CDH12: variants seen among roughly 807,000 people sequenced by gnomAD.
CDH12 encodes cadherin 12, also known as cadherin-12.
In CDH12, 41 loss-of-function variants were observed where a neutral mutation model predicts 74.1. The observed-to-expected ratio is 0.55, with a 90% CI of 0.43 to 0.72. The LOEUF is 0.72. CDH12 is among the 30% of genes least tolerant of loss of function. The pLI, the probability that CDH12 is intolerant of heterozygous loss-of-function variation, is 0.00. For synonymous variants in CDH12, 399 were observed against 355.0 expected, an observed-to-expected ratio of 1.12 and a Z score of -1.39; for missense variants, 945 against 977.2, an observed-to-expected ratio of 0.97 and a Z score of 0.44.
intron 5 of CDH12, among the ~76,000 whole-genome samples, chr5:21,976,191 A>C (rs1757064110): frequency 1.3e-5 from 2 of 152,180 alleles, no homozygotes; most frequent in Non-Finnish European, 1.5e-5. Context: ...TTCTATATAT[A>C]GAATATTTAT....
intron 4 of CDH12, among the ~76,000 whole-genome samples, chr5:22,093,501 T>C (rs748109796): frequency 1.3e-5 from 2 of 152,174 alleles, no homozygotes; most frequent in East Asian, 1.9e-4. Flanking sequence ...ATTTTGCAAA[T>C]GAAAGAAGTC....
At chr5:22,733,277 A>G (rs1744523326) in intron 1 of CDH12, among the ~76,000 whole-genome samples, 1 of 151,960 alleles carries the variant, frequency 6.6e-6, no homozygotes, top group Admixed American at 6.6e-5. Flanking sequence ...AAATATTTTT[A>G]AAAATAAAAT....
intron 5 of CDH12, among the ~76,000 whole-genome samples, chr5:22,041,385 T>C (rs560780113): frequency 1.3e-5 from 2 of 152,256 alleles, no homozygotes; most frequent in African/African-American, 4.8e-5. Flanking sequence ...ATGGATAATT[T>C]AATTAAAAAG....
chr5:22,475,864 C>G (rs1250341004), intron 2 of CDH12, among the ~76,000 whole-genome samples: 2 of 151,950 alleles, frequency 1.3e-5, no homozygotes, highest in African/African-American at 4.8e-5. Flanking sequence ...TTTACCTGGC[C>G]TTTCAAAAAC....
intron 1 of CDH12, among the ~76,000 whole-genome samples, chr5:22,659,585 G>T (rs893459298): frequency 6.6e-6 from 1 of 151,942 alleles, no homozygotes; most frequent in African/African-American, 2.4e-5. Flanking sequence ...TTGCTTGAAT[G>T]GAGAAAAACA....
rs566523073 is a variant in CDH12, at chr5:21,757,129, T to C, written c.1634-1287A>G. On this transcript the variant is annotated intron_variant, in intron 13 of 14. Coordinates refer to ENST00000382254, the MANE Select transcript of CDH12 (RefSeq NM_004061.5). Reference sequence around the variant, plus strand: ...AGGGATTTGGTATTCTTGAACTCAATGTATGTGTCAAATGGCAGCCTAACC... The same window carrying C: ...AGGGATTTGGTATTCTTGAACTCAACGTATGTGTCAAATGGCAGCCTAACC... Among the ~76,000 whole-genome samples the C allele has an allele frequency of 4.8e-4, 73 of 152,256 alleles. 2 individuals carry two copies. Among genetic ancestry groups the C allele is most frequent in the Admixed American group, 4.6e-3 (70 of 15,288 alleles).
At chr5:22,751,159 G>GAAAAGTAAC (rs1745550888) in intron 1 of CDH12, among the ~76,000 whole-genome samples, 1 of 151,616 alleles carries the variant, frequency 6.6e-6, no homozygotes, top group South Asian at 2.1e-4. Flanking sequence ...TAATTTGCAG[G>GAAAAGTAAC]AAAAGTAACG....
chr5:22,567,432 A>C (rs1419818143), intron 1 of CDH12, among the ~76,000 whole-genome samples: 3 of 152,206 alleles, frequency 2.0e-5, no homozygotes, highest in Admixed American at 1.3e-4. Context: ...CTTATCTCTC[A>C]ATGTCAGGGT....
chr5:22,717,784 C>G (rs1345975368), intron 1 of CDH12, among the ~76,000 whole-genome samples: 2 of 151,906 alleles, frequency 1.3e-5, no homozygotes, highest in South Asian at 4.1e-4. Context: ...GTATTGTTGC[C>G]TGAGGTTTGC....
At chr5:22,204,527 ATG>A (rs1240718782) in intron 4 of CDH12, among the ~76,000 whole-genome samples, 1 of 152,254 alleles carries the variant, frequency 6.6e-6, no homozygotes, top group Non-Finnish European at 1.5e-5. Context: ...AAAAAATACA[ATG>A]TAAAATTCAG....
intron 4 of CDH12, among the ~76,000 whole-genome samples, chr5:22,084,928 G>A (rs536650858): frequency 1.3e-4 from 20 of 152,250 alleles, no homozygotes; most frequent in African/African-American, 4.8e-4. Context: ...ATAAAAGCAA[G>A]AACAGAAAGC....
chr5:22,755,744 A>C (rs917207470), intron 1 of CDH12, among the ~76,000 whole-genome samples: 1 of 152,150 alleles, frequency 6.6e-6, no homozygotes, highest in African/African-American at 2.4e-5. Flanking sequence ...ATTTGGCAAT[A>C]TTACATTTCT....
chr5:22,549,198 C>T (rs111831525), intron 1 of CDH12, among the ~76,000 whole-genome samples: 77 of 151,036 alleles, frequency 5.1e-4, no homozygotes, highest in African/African-American at 1.8e-3. Context: ...GCCTGGAATT[C>T]CTGGCCTTAA....
At chr5:22,804,469 G>A (rs1748685607) in intron 1 of CDH12, among the ~76,000 whole-genome samples, 2 of 152,162 alleles carry the variant, frequency 1.3e-5, no homozygotes, top group African/African-American at 4.8e-5. Flanking sequence ...CTGTAGGGCA[G>A]TCAACAAGCT....
rs73065010 is a variant in CDH12 at position 22,254,004 on chromosome 5, T to C, written c.-332-41361A>G. Among the ~76,000 whole-genome samples, 639 of 151,988 alleles carry C rather than the reference T, an allele frequency of 4.2e-3. 6 individuals are homozygous for C. The highest frequency in any genetic ancestry group is 0.015 in the African/African-American group (619 of 41,536). On this transcript the variant is annotated intron_variant, in intron 3 of 14. Transcript: ENST00000382254. ...TAGGATCACAGTCAGAAATTGGTAATGGAGATAATTGTCTTTGAAAGAAAT... is the reference window on the plus strand; with the variant it reads ...TAGGATCACAGTCAGAAATTGGTAACGGAGATAATTGTCTTTGAAAGAAAT...
intron 4 of CDH12, among the ~76,000 whole-genome samples, chr5:22,115,837 A>T (rs1460631968): frequency 6.6e-6 from 1 of 151,966 alleles, no homozygotes; most frequent in Admixed American, 6.6e-5. Context: ...GACTACAGGC[A>T]CATGCCACCA....
Position 21,950,075 on chromosome 5 carries a change from G to T in CDH12, c.526+25016C>A, listed in dbSNP as rs191775420. ...GTATACCATTTTTGATTTTTGACTGGATTTTTTACTGTACCTTTTTTTTAT... is the reference window on the plus strand; with the variant it reads ...GTATACCATTTTTGATTTTTGACTGTATTTTTTACTGTACCTTTTTTTTAT... On this transcript the variant is annotated intron_variant, in intron 6 of 14. Transcript: ENST00000382254. 3.5e-4 allele frequency among the ~76,000 whole-genome samples: 53 copies of T among 152,138 alleles called. No homozygotes were observed. The East Asian group carries it at 0.01, about 29-fold the overall frequency.
chr5:22,427,619 T>C (rs1008613248), intron 2 of CDH12, among the ~76,000 whole-genome samples: 1 of 152,246 alleles, frequency 6.6e-6, no homozygotes, highest in Admixed American at 6.5e-5. Flanking sequence ...CATTGACTTT[T>C]ATTTGGTGAA....
intron 1 of CDH12, among the ~76,000 whole-genome samples, chr5:22,815,594 A>G (rs534110873): frequency 1.9e-4 from 29 of 151,858 alleles, no homozygotes; most frequent in Middle Eastern, 3.4e-3. Flanking sequence ...ACATGGTGAA[A>G]CCCCATCTCT....
Sources: allele counts gnomAD v4.1 joint callset (sites outside exome capture counted in the v4.1 genomes callset), GRCh38; gene constraint gnomAD v4.1.1; transcripts MANE v1.5; gene names NCBI Gene and HGNC (gene_info 2026-07-23, HGNC 2026-07-21).